Variants in ZFP91 observed in about 807,000 individuals in gnomAD.
The protein encoded by ZFP91 is ZFP91 zinc finger protein, atypical E3 ubiquitin ligase, also known as E3 ubiquitin-protein ligase ZFP91.
A neutral mutation model predicts 63.5 loss-of-function variants in ZFP91; 7 were observed. The ratio of observed to expected loss-of-function variants is 0.11; its 90% CI spans 0.06 to 0.21. The LOEUF (loss-of-function observed/expected upper bound fraction) is 0.21, where lower values mean the gene tolerates loss of function less well. ZFP91 is among the 10% of genes least tolerant of loss of function. The pLI, the probability that ZFP91 is intolerant of heterozygous loss-of-function variation, is 1.00. For synonymous variants in ZFP91, 330 were observed against 272.1 expected, an observed-to-expected ratio of 1.21 and a Z score of -2.10; for missense variants, 628 against 736.6, an observed-to-expected ratio of 0.85 and a Z score of 1.71.
At chr11:58,584,645 A>G (rs940966628) in intron 1 of ZFP91, among the ~76,000 whole-genome samples, 1 of 152,124 alleles carries the variant, frequency 6.6e-6, no homozygotes, top group Non-Finnish European at 1.5e-5. Flanking sequence ...TCAGTTTCAC[A>G]ATTACATGAA....
At chr11:58,597,196 A>C (rs1202767576) in intron 2 of ZFP91, among the ~76,000 whole-genome samples, 1 of 152,146 alleles carries the variant, frequency 6.6e-6, no homozygotes, top group Non-Finnish European at 1.5e-5. Flanking sequence ...AAAGATTGTT[A>C]GTTTTTCTCT....
chr11:58,609,688 T>G, intron 2 of ZFP91, 142 bp from the exon 3 acceptor site: 1 of 742,544 alleles, frequency 1.3e-6, no homozygotes, highest in East Asian at 2.7e-5. Context: ...TTCCTTTTTT[T>G]ATTATTTCAA....
In ZFP91 at chr11:58,618,576, A is replaced by ATT. The variant is rs11426880; in HGVS notation, c.*881_*882dup. ...TCCTTATTTATTAACAGGAAGTCTG[A>ATT]TTTTTTTTTTTTGGAGTCTTTGTTG... On this transcript the variant is annotated 3_prime_UTR_variant, in exon 11 of 11. Coordinates refer to ENST00000316059, the MANE Select transcript of ZFP91 (RefSeq NM_053023.5). 0.014 allele frequency: 5,231 copies of ATT among 360,856 alleles called. 15 individuals are homozygous for ATT. Among genetic ancestry groups the ATT allele is most frequent in the Non-Finnish European group, 0.017 (3,155 of 183,726 alleles). 22.4% of individuals were successfully genotyped at this position (360,856 alleles called of 1,614,324 possible). A position where few individuals can be genotyped will look rare whatever the true frequency, so the allele number is the denominator to read the frequency against.
At chr11:58,602,939 G>GT (rs1431263746) in intron 2 of ZFP91, among the ~76,000 whole-genome samples, 1 of 151,930 alleles carries the variant, frequency 6.6e-6, no homozygotes, top group Non-Finnish European at 1.5e-5. Flanking sequence ...AGATTGCGCC[G>GT]TTGCACTCCA....
In ZFP91 at chr11:58,619,824, C is replaced by G. The variant is rs149275040; in HGVS notation, c.*2118C>G. The G allele has an allele frequency of 2.4e-4, 36 of 152,564 alleles. No homozygotes were observed. Among genetic ancestry groups the G allele is most frequent in the African/African-American group, 8.4e-4 (35 of 41,562 alleles). 9.5% of individuals were successfully genotyped at this position (152,564 alleles called of 1,614,324 possible). On this transcript the variant is annotated 3_prime_UTR_variant, in exon 11 of 11. Transcript: ENST00000316059. ...GGTATATTGACTAGATTTGAAAATA[C>G]AAGATTGATTAGATGAATCTACAAA...
intron 2 of ZFP91, among the ~76,000 whole-genome samples, chr11:58,602,677 G>T (rs1855510067): frequency 6.6e-6 from 1 of 152,196 alleles, no homozygotes; most frequent in South Asian, 2.1e-4. Flanking sequence ...GGAACATTGA[G>T]AAATAGGGGC....
At chr11:58,580,318 A>G (rs1855091106) in intron 1 of ZFP91, among the ~76,000 whole-genome samples, 1 of 152,248 alleles carries the variant, frequency 6.6e-6, no homozygotes, top group Non-Finnish European at 1.5e-5. Context: ...CCTTGAAATT[A>G]GAATCATCTG....
intron 2 of ZFP91, among the ~76,000 whole-genome samples, chr11:58,605,543 A>G (rs762621129): frequency 5.3e-5 from 8 of 151,200 alleles, no homozygotes; most frequent in East Asian, 1.9e-4. Flanking sequence ...TTCGGCAGCT[A>G]TAGAATTCTT....
chr11:58,582,731 T>A (rs1855139739), intron 1 of ZFP91, among the ~76,000 whole-genome samples: 2 of 152,342 alleles, frequency 1.3e-5, no homozygotes, highest in Admixed American at 1.3e-4. Context: ...ATAATTGATA[T>A]TTTATGAATT....
intron 2 of ZFP91, among the ~76,000 whole-genome samples, chr11:58,599,722 A>G (rs1007496072): frequency 1.3e-5 from 2 of 152,154 alleles, no homozygotes; most frequent in East Asian, 3.9e-4. Context: ...AAGACTTTAT[A>G]TATTTTGGAT....
Position 58,612,816 on chromosome 11 carries a change from C to A in ZFP91, c.963C>A (p.Val321=). The change falls in exon 8 of 11, where the codon GTC becomes GTA. Residue 321 remains valine, a synonymous_variant. Transcript: ENST00000316059. The part of the protein sequence containing the change: ...VRCEMEGCGT[V]LAHPRYLQHH... The stretch of plus-strand genomic sequence containing the variant: ...GTGAGATGGAAGGATGTGGAACTGT[C>A]CTTGCCCATCCTCGCTATTTGCAGG... The A allele has an allele frequency of 6.2e-7, 1 of 1,612,230 alleles. No homozygotes were observed. Among genetic ancestry groups the A allele is most frequent in the Non-Finnish European group, 8.5e-7 (1 of 1,179,266 alleles).
At position 58,620,236 on chromosome 11, in the gene ZFP91, A is replaced by G. The variant is rs569580615; in HGVS notation, c.*2530A>G. ...TATAGACTTTATATTTTTCCTTTTG[A>G]TAAAGGGATGCTGCATAGTAGAGTT... is the stretch of plus-strand genomic sequence containing the variant. On this transcript the variant is annotated 3_prime_UTR_variant, in exon 11 of 11. Transcript: ENST00000316059. 18 of 152,160 alleles carry G rather than the reference A, an allele frequency of 1.2e-4. No homozygotes were observed. The highest frequency in any genetic ancestry group is 3.9e-4 in the African/African-American group (16 of 41,432). 9.4% of individuals were successfully genotyped at this position (152,160 alleles called of 1,614,324 possible). A position where few individuals can be genotyped will look rare whatever the true frequency, so the allele number is the denominator to read the frequency against.
intron 2 of ZFP91, among the ~76,000 whole-genome samples, chr11:58,600,279 G>A (rs1855471568): frequency 6.6e-6 from 1 of 152,028 alleles, no homozygotes; most frequent in East Asian, 1.9e-4. Flanking sequence ...TATTTTCAGA[G>A]TATTGTCATC....
intron 2 of ZFP91, among the ~76,000 whole-genome samples, chr11:58,586,566 C>G (rs1196771119): frequency 1.3e-5 from 2 of 152,128 alleles, no homozygotes; most frequent in African/African-American, 4.8e-5. Flanking sequence ...TAGATATTCT[C>G]AAATGCCAAT....
rs1046898 is a variant in ZFP91 at position 58,611,652 on chromosome 11, G to A, written c.771G>A (p.Lys257=). 1 of 1,612,604 alleles carries A rather than the reference G, an allele frequency of 6.2e-7. No individual in the cohort carries two copies. The highest frequency in any genetic ancestry group is 1.1e-5 in the South Asian group (1 of 90,956). The change falls in exon 6 of 11, where the codon AAG becomes AAA. Residue 257 remains lysine, a synonymous_variant. Coordinates refer to ENST00000316059, the MANE Select transcript of ZFP91 (RefSeq NM_053023.5). ...RRKSGKVKEE[K]EKKEIKVEVE... The stretch of plus-strand genomic sequence containing the variant: ...AATCAGGGAAGGTAAAAGAAGAGAA[G>A]GAGAAGAAGGAAATTAAAGTGGAAG...
At chr11:58,582,081 C>T (rs1855126989) in intron 1 of ZFP91, among the ~76,000 whole-genome samples, 1 of 152,140 alleles carries the variant, frequency 6.6e-6, no homozygotes, top group Admixed American at 6.5e-5. Context: ...AGCATTTTAG[C>T]TTGGCAAACT....
intron 2 of ZFP91, among the ~76,000 whole-genome samples, chr11:58,588,152 T>C (rs1470318438): frequency 6.6e-6 from 1 of 152,126 alleles, no homozygotes; most frequent in African/African-American, 2.4e-5. Context: ...TGCTTGAAAA[T>C]TTGATTGTAT....
chr11:58,592,897 T>C (rs960033475), intron 2 of ZFP91, among the ~76,000 whole-genome samples: 2 of 152,172 alleles, frequency 1.3e-5, no homozygotes. Flanking sequence ...GTGAGGCCCC[T>C]GGAAGCTTTC....
rs773703890 is a variant in ZFP91 at position 58,611,729 on chromosome 11, C to T, written c.848C>T (p.Pro283Leu). ...EENEIREDEE[P>L]PRKRGRRRKD... is the part of the protein sequence containing the mutation. Reference sequence around the variant, plus strand: ...AATGAAATTAGAGAGGATGAGGAACCTCCAAGGAAGTGAGTAGGCAATTAT... The same window carrying T: ...AATGAAATTAGAGAGGATGAGGAACTTCCAAGGAAGTGAGTAGGCAATTAT... Residue 283 changes from proline (P) to leucine (L), a missense_variant, in exon 6 of 11, where the codon CCT becomes CTT. Around this residue, in one of 3 missense-constraint regions of ZFP91, gnomAD observed 437 missense variants for 380.3 expected, o/e 1.15. Coordinates refer to ENST00000316059, the MANE Select transcript of ZFP91 (RefSeq NM_053023.5). The T allele has an allele frequency of 8.7e-6, 14 of 1,604,562 alleles. No individual in the cohort carries two copies. In the African/African-American group the frequency reaches 1.5e-4, roughly 17 times the overall value.
Sources: gnomAD v4.1 joint callset for allele counts (sites outside exome capture counted in the v4.1 genomes callset) on GRCh38, gnomAD v4.1.1 for gene constraint, gnomAD v4.1.1 regional missense constraint, MANE v1.5 for transcripts, NCBI Gene and HGNC (gene_info 2026-07-23, HGNC 2026-07-21) for gene names.